Variants in BCL2L13 observed in about 807,000 individuals in gnomAD.
The protein encoded by BCL2L13 is bcl-2-like protein 13.
In BCL2L13, 13 loss-of-function variants were observed where a neutral mutation model predicts 25.8. The ratio of observed to expected loss-of-function variants is 0.50; its 90% CI spans 0.33 to 0.80. The LOEUF is 0.80. Ranked by LOEUF, BCL2L13 falls within the 30% of genes least tolerant of loss-of-function variation. BCL2L13 has a pLI of 0.02. For synonymous variants in BCL2L13, 244 were observed against 230.3 expected (o/e 1.06, Z -0.54); for missense variants, 504 against 574.9 (o/e 0.88, Z 1.26).
intron 6 of BCL2L13, among the ~76,000 whole-genome samples, chr22:17,715,130 A>G (rs1423864217): frequency 6.7e-4 from 2 of 2,996 alleles, no homozygotes; most frequent in Non-Finnish European, 1.2e-3. Context: ...TTTTATATAT[A>G]TATATATATA....
intron 2 of BCL2L13, among the ~76,000 whole-genome samples, chr22:17,674,198 TAG>T (rs1314657066): frequency 1.3e-5 from 2 of 152,150 alleles, no homozygotes; most frequent in Non-Finnish European, 2.9e-5. Context: ...CATTTTGAAG[TAG>T]AGAGTTACAT....
At chr22:17,654,816 G>T (rs1189643506) in intron 1 of BCL2L13, among the ~76,000 whole-genome samples, 2 of 151,788 alleles carry the variant, frequency 1.3e-5, no homozygotes, top group Non-Finnish European at 2.9e-5. Flanking sequence ...TGACCTCCTG[G>T]GCTCAAGCAA....
intron 6 of BCL2L13, among the ~76,000 whole-genome samples, chr22:17,726,209 G>A (rs2061291963): frequency 6.6e-6 from 1 of 152,116 alleles, no homozygotes; most frequent in African/African-American, 2.4e-5. Context: ...AAGTTAACTG[G>A]GCGTGGTGGC....
At chr22:17,686,994 G>C (rs1292497942) in intron 3 of BCL2L13, among the ~76,000 whole-genome samples, 1 of 152,046 alleles carries the variant, frequency 6.6e-6, no homozygotes, top group Admixed American at 6.6e-5. Flanking sequence ...TAAAATGGAT[G>C]CTCTCCAGCT....
rs149460093 is a variant in BCL2L13 at position 17,646,955 on chromosome 22, A to ATTTTTT, written c.-51+8088_-51+8093dup. 6.6e-3 allele frequency among the ~76,000 whole-genome samples: 147 copies of ATTTTTT among 22,192 alleles called. 5 individuals carry two copies. The highest frequency in any genetic ancestry group is 8.2e-3 in the Non-Finnish European group (107 of 13,048). 14.6% of individuals were successfully genotyped at this position (22,192 alleles called of 152,430 possible). On this transcript the variant is annotated intron_variant, in intron 1 of 6. Transcript: ENST00000317582. ...TACATATATATATATATATATATAT[A>ATTTTTT]TTTTTTTTTTTTTTTTTTTTTTTTC...
intron 1 of BCL2L13, among the ~76,000 whole-genome samples, chr22:17,651,367 C>CTATT (rs148784214): frequency 0.28 from 13,813 of 49,340 alleles, 748 homozygotes; most frequent in Non-Finnish European, 0.39. Context: ...CAGCCTAGAC[C>CTATT]TATTTATTTA....
intron 6 of BCL2L13, among the ~76,000 whole-genome samples, chr22:17,716,830 A>C (rs1416840340): frequency 6.6e-6 from 1 of 152,104 alleles, no homozygotes; most frequent in Non-Finnish European, 1.5e-5. Context: ...TAAGTAATTG[A>C]TGGTGTGTAA....
chr22:17,696,128 A>C lies in BCL2L13; in HGVS notation c.387-13A>C. ...CTTCTTTGTGACACAGACTTTTAAAAAAATCTCTACAGGCCAGTGACATAT... is the reference window on the plus strand; with the variant it reads ...CTTCTTTGTGACACAGACTTTTAAACAAATCTCTACAGGCCAGTGACATAT... On this transcript the variant is annotated splice_polypyrimidine_tract_variant and intron_variant, in intron 4 of 6. Transcript: ENST00000317582. 1 of 1,609,960 alleles carries C rather than the reference A, an allele frequency of 6.2e-7. No homozygotes were observed. Among genetic ancestry groups the C allele is most frequent in the Non-Finnish European group, 8.5e-7 (1 of 1,176,322 alleles).
intron 1 of BCL2L13, among the ~76,000 whole-genome samples, chr22:17,649,642 A>G (rs988924526): frequency 2.0e-5 from 3 of 151,456 alleles, no homozygotes; most frequent in African/African-American, 7.3e-5. Flanking sequence ...AGCTGGGATT[A>G]CAGGCACCTG....
At position 17,658,894 on chromosome 22, in the gene BCL2L13, TAA is replaced by T. The variant is rs536814132; in HGVS notation, c.121+3066_121+3067del. On this transcript the variant is annotated intron_variant, in intron 2 of 6. Coordinates refer to ENST00000317582, the MANE Select transcript of BCL2L13 (RefSeq NM_015367.4). The stretch of plus-strand genomic sequence containing the variant: ...CAAGATGGTGAAACCCCATCTCTAC[TAA>T]AAATACAAAAAAATTAGTTGGGCAT... Among the ~76,000 whole-genome samples, 551 of 148,082 alleles carry T rather than the reference TAA, an allele frequency of 3.7e-3. 2 individuals carry two copies. Among genetic ancestry groups the T allele is most frequent in the African/African-American group, 0.013 (524 of 40,120 alleles).
chr22:17,661,133 C>G (rs2059052938), intron 2 of BCL2L13, among the ~76,000 whole-genome samples: 1 of 143,366 alleles, frequency 7.0e-6, no homozygotes, highest in Non-Finnish European at 1.6e-5. Context: ...CATTTTGTCA[C>G]CCAGGTTAGA....
intron 2 of BCL2L13, among the ~76,000 whole-genome samples, chr22:17,660,009 C>T (rs1373387850): frequency 1.4e-5 from 2 of 146,120 alleles, no homozygotes; most frequent in South Asian, 2.1e-4. Context: ...GCACGCGCCA[C>T]TGCGCCGAGC....
intron 3 of BCL2L13, among the ~76,000 whole-genome samples, chr22:17,686,962 C>T (rs150358250): frequency 5.1e-4 from 77 of 151,946 alleles, no homozygotes; most frequent in African/African-American, 1.6e-3. Context: ...TATTGAACCC[C>T]ATATTATCTA....
chr22:17,670,294 G>GA (rs943680960), intron 2 of BCL2L13, among the ~76,000 whole-genome samples: 1 of 151,246 alleles, frequency 6.6e-6, no homozygotes. Context: ...TCTATTTCTG[G>GA]AAAAAACAGA....
chr22:17,635,269 A>T (rs562218636), upstream of BCL2L13, among the ~76,000 whole-genome samples: 1 of 151,964 alleles, frequency 6.6e-6, no homozygotes, highest in South Asian at 2.1e-4. Flanking sequence ...CGGGTGTGGT[A>T]GCTCACACCT....
chr22:17,688,847 A>G, intron 3 of BCL2L13, 139 bp from the exon 4 acceptor site: 1 of 664,340 alleles, frequency 1.5e-6, no homozygotes, highest in Non-Finnish European at 2.2e-6. Context: ...GGCTCACCAC[A>G]ACCTCTGCCT....
At chr22:17,689,427 A>G (rs2060038526) in intron 4 of BCL2L13, among the ~76,000 whole-genome samples, 1 of 152,166 alleles carries the variant, frequency 6.6e-6, no homozygotes, top group South Asian at 2.1e-4. Flanking sequence ...AATACAAGCT[A>G]TTTCACTTCC....
intron 2 of BCL2L13, among the ~76,000 whole-genome samples, chr22:17,666,375 C>CT (rs2059235430): frequency 6.6e-6 from 1 of 152,036 alleles, no homozygotes; most frequent in African/African-American, 2.4e-5. Flanking sequence ...TTCAGTTACT[C>CT]TTTAAGTTAT....
intron 2 of BCL2L13, among the ~76,000 whole-genome samples, chr22:17,672,232 G>C (rs2059440420): frequency 6.6e-6 from 1 of 152,196 alleles, no homozygotes; most frequent in South Asian, 2.1e-4. Context: ...TACAGGACCA[G>C]ATACTGCATG....
Sources: allele counts gnomAD v4.1 joint callset (sites outside exome capture counted in the v4.1 genomes callset), GRCh38; gene constraint gnomAD v4.1.1; transcripts MANE v1.5; gene names NCBI Gene and HGNC (gene_info 2026-07-23, HGNC 2026-07-21).